The following SRPK2 variants were observed in gnomAD, a reference collection of about 807,000 sequenced individuals.
The protein encoded by SRPK2 is SRSF protein kinase 2.
SRPK2 carries 21 observed loss-of-function variants against 90.8 expected under a neutral mutation model. The ratio of observed to expected loss-of-function variants is 0.23; its 90% CI spans 0.16 to 0.33. The LOEUF (loss-of-function observed/expected upper bound fraction) is 0.33, where lower values mean the gene tolerates loss of function less well. SRPK2 is among the 10% of genes least tolerant of loss of function. The pLI is 1.00. For missense variants in SRPK2, 620 were observed against 869.0 expected, an observed-to-expected ratio of 0.71 and a Z score of 3.60; for synonymous variants, 288 against 311.1, an observed-to-expected ratio of 0.93 and a Z score of 0.78.
chr7:105,371,589 A>AC (rs1414474287), intron 2 of SRPK2, among the ~76,000 whole-genome samples: 1 of 150,124 alleles, frequency 6.7e-6, no homozygotes, highest in East Asian at 1.9e-4. Context: ...ATCTCTACAA[A>AC]AAAAAAAAAA....
intron 7 of SRPK2, among the ~76,000 whole-genome samples, chr7:105,155,333 G>C (rs368710049): frequency 6.6e-6 from 1 of 152,044 alleles, no homozygotes; most frequent in Admixed American, 6.6e-5. Flanking sequence ...TTACTATTTC[G>C]AGTTTACAAA....
intron 7 of SRPK2, among the ~76,000 whole-genome samples, chr7:105,154,513 A>G (rs1449950454): frequency 6.6e-6 from 1 of 152,162 alleles, no homozygotes; most frequent in African/African-American, 2.4e-5. Flanking sequence ...GTGTAGAGAG[A>G]CAAAATCAGC....
intron 2 of SRPK2, among the ~76,000 whole-genome samples, chr7:105,358,473 C>T (rs1460952282): frequency 1.3e-5 from 2 of 152,016 alleles, no homozygotes; most frequent in Non-Finnish European, 2.9e-5. Context: ...ATCACTTGAG[C>T]TCAGGAGTTC....
intron 2 of SRPK2, among the ~76,000 whole-genome samples, chr7:105,249,495 G>GA (rs566812827): frequency 0.016 from 2,383 of 144,856 alleles, 33 homozygotes; most frequent in African/African-American, 0.039. Context: ...TTAAAGAACA[G>GA]AAAAAAAAAA....
At chr7:105,176,034 T>C (rs1348460865) in intron 3 of SRPK2, among the ~76,000 whole-genome samples, 3 of 152,122 alleles carry the variant, frequency 2.0e-5, no homozygotes, top group Non-Finnish European at 4.4e-5. Context: ...ATAAGAAAAC[T>C]GCAGACCAAT....
chr7:105,206,530 C>T (rs1796254842), intron 2 of SRPK2: 1 of 154,994 alleles, frequency 6.5e-6, no homozygotes. Context: ...AAAGCCAGCT[C>T]TACCAAATGA....
intron 2 of SRPK2, among the ~76,000 whole-genome samples, chr7:105,258,455 G>A (rs1367809936): frequency 6.6e-6 from 1 of 150,738 alleles, no homozygotes; most frequent in African/African-American, 2.4e-5. Context: ...AAAGCACAGT[G>A]TGGAGTGCAA....
intron 2 of SRPK2, among the ~76,000 whole-genome samples, chr7:105,283,688 G>C (rs555745168): frequency 1.8e-4 from 27 of 152,306 alleles, no homozygotes; most frequent in African/African-American, 6.5e-4. Flanking sequence ...TTATGTAATA[G>C]TGGTAGTTTC....
chr7:105,327,973 CTA>C (rs1410424092), intron 2 of SRPK2, among the ~76,000 whole-genome samples: 1 of 152,078 alleles, frequency 6.6e-6, no homozygotes, highest in African/African-American at 2.4e-5. Context: ...GCTAATTTTT[CTA>C]TCTGTAGTAA....
intron 2 of SRPK2, among the ~76,000 whole-genome samples, chr7:105,280,498 T>C (rs2130802670): frequency 6.6e-6 from 1 of 151,896 alleles, no homozygotes; most frequent in Middle Eastern, 3.4e-3. Flanking sequence ...TACAAACAAC[T>C]GTGAATTCAC....
intron 2 of SRPK2, among the ~76,000 whole-genome samples, chr7:105,351,332 T>G (rs1817150330): frequency 1.3e-5 from 2 of 151,858 alleles, no homozygotes; most frequent in African/African-American, 4.8e-5. Context: ...TAAATTCCTT[T>G]TCTTTATAAA....
At chr7:105,287,097 T>C (rs1703433165) in intron 2 of SRPK2, among the ~76,000 whole-genome samples, 1 of 150,340 alleles carries the variant, frequency 6.7e-6, no homozygotes. Context: ...CCGTCTCTAC[T>C]AAAAATACAA....
At chr7:105,355,014 G>A (rs1817620961) in intron 2 of SRPK2, among the ~76,000 whole-genome samples, 1 of 152,120 alleles carries the variant, frequency 6.6e-6, no homozygotes, top group African/African-American at 2.4e-5. Context: ...TTTCATGACT[G>A]ACTTCTTTGA....
chr7:105,365,601 G>A (rs1251063408), intron 2 of SRPK2, among the ~76,000 whole-genome samples: 8 of 149,688 alleles, frequency 5.3e-5, no homozygotes, highest in African/African-American at 7.4e-5. Context: ...AATCGAAGAC[G>A]AGCCTGGGCA....
chr7:105,389,241 C>T, upstream of SRPK2: 1 of 1,253,834 alleles, frequency 8.0e-7, no homozygotes, highest in Non-Finnish European at 1.0e-6. Flanking sequence ...CTCCCCTCCG[C>T]ACCCCGGCCG....
chr7:105,297,857 T>A (rs1008476687), intron 2 of SRPK2, among the ~76,000 whole-genome samples: 3 of 150,986 alleles, frequency 2.0e-5, no homozygotes, highest in African/African-American at 4.9e-5. Flanking sequence ...TTCTCCTGCC[T>A]CAGCCTCCCA....
At chr7:105,158,385 G>A (rs898325847) in intron 7 of SRPK2, among the ~76,000 whole-genome samples, 2 of 152,114 alleles carry the variant, frequency 1.3e-5, no homozygotes, top group Non-Finnish European at 2.9e-5. Flanking sequence ...TGGCAGAGTA[G>A]CTGGGATTAC....
chr7:105,126,335 T>C lies in SRPK2; in HGVS notation c.1828A>G (p.Ile610Val). The C allele has an allele frequency of 2.5e-6, 4 of 1,613,254 alleles. No homozygotes were observed. Among genetic ancestry groups the C allele is most frequent in the South Asian group, 1.1e-5 (1 of 91,044 alleles). The change falls in exon 15 of 16, where the codon ATA becomes GTA. Residue 610 changes from isoleucine to valine, a missense_variant. Transcript: ENST00000393651. ...GEDYSRDEDH[I>V]AHIIELLGSI... ...CCTAGCAGCTCTATGATGTGGGCTA[T>C]GTGGTCTATGGAGGAGAGAAAAAAA...
chr7:105,140,511 G>C (rs1221726821), intron 11 of SRPK2, among the ~76,000 whole-genome samples: 3 of 151,918 alleles, frequency 2.0e-5, no homozygotes, highest in Non-Finnish European at 4.4e-5. Context: ...TGAGGCAGGA[G>C]AATTGCTTGA....
Sources: allele counts gnomAD v4.1 joint callset (sites outside exome capture counted in the v4.1 genomes callset), GRCh38; gene constraint gnomAD v4.1.1; transcripts MANE v1.5; gene names NCBI Gene and HGNC (gene_info 2026-07-23, HGNC 2026-07-21).